ASAP1: variants seen among roughly 807,000 people sequenced by gnomAD.
ASAP1 encodes ArfGAP with SH3 domain, ankyrin repeat and PH domain 1.
ASAP1 carries 43 observed loss-of-function variants against 145.2 expected under a neutral mutation model. The observed-to-expected ratio is 0.30, with a 90% CI of 0.23 to 0.38. The LOEUF (loss-of-function observed/expected upper bound fraction) is 0.38, where lower values mean the gene tolerates loss of function less well. Ranked by LOEUF, ASAP1 falls within the 10% of genes least tolerant of loss-of-function variation. The pLI is 1.00. For synonymous variants in ASAP1, 546 were observed against 515.5 expected (o/e 1.06, Z -0.80); for missense variants, 1,018 against 1,355.3 (o/e 0.75, Z 3.91).
intron 15 of ASAP1, among the ~76,000 whole-genome samples, chr8:130,129,579 T>C (rs190478699): frequency 3.9e-5 from 6 of 152,330 alleles, no homozygotes; most frequent in Admixed American, 3.3e-4. Context: ...CAACAGACAA[T>C]ACAGAGGTTC....
intron 13 of ASAP1, among the ~76,000 whole-genome samples, chr8:130,147,939 G>A (rs928752857): frequency 2.2e-4 from 34 of 152,174 alleles, no homozygotes; most frequent in African/African-American, 8.0e-4. Flanking sequence ...TTTAATAATC[G>A]TTGTAAGTGT....
At chr8:130,256,612 G>A (rs541821760) in intron 3 of ASAP1, among the ~76,000 whole-genome samples, 158 of 151,354 alleles carry the variant, frequency 1.0e-3, no homozygotes, top group Middle Eastern at 6.9e-3. Context: ...AAAATTTCCA[G>A]GGCAAAAATG....
chr8:130,122,380 A>C (rs982700935), intron 18 of ASAP1, among the ~76,000 whole-genome samples: 1 of 152,218 alleles, frequency 6.6e-6, no homozygotes, highest in African/African-American at 2.4e-5. Flanking sequence ...ATCAAACTGC[A>C]TGTTACAAGA....
chr8:130,216,408 G>A (rs1816932022), intron 4 of ASAP1, among the ~76,000 whole-genome samples: 1 of 152,170 alleles, frequency 6.6e-6, no homozygotes, highest in African/African-American at 2.4e-5. Context: ...ACAGAATTGT[G>A]GTATTGATGA....
intron 23 of ASAP1, 132 bp from the exon 24 acceptor site, chr8:130,112,454 A>G: frequency 1.5e-6 from 1 of 661,804 alleles, no homozygotes; most frequent in Non-Finnish European, 2.6e-6. Flanking sequence ...GGTCAGCCAC[A>G]ATGAGCCTCA....
At chr8:130,286,839 G>A (rs938206751) in intron 3 of ASAP1, among the ~76,000 whole-genome samples, 4 of 152,196 alleles carry the variant, frequency 2.6e-5, no homozygotes, top group Non-Finnish European at 4.4e-5. Flanking sequence ...ATGAAATGAT[G>A]AGAAGCAAAA....
At chr8:130,259,558 G>C (rs915854689) in intron 3 of ASAP1, among the ~76,000 whole-genome samples, 1 of 152,120 alleles carries the variant, frequency 6.6e-6, no homozygotes, top group African/African-American at 2.4e-5. Context: ...TTGTGGGCTG[G>C]TTATGACTGT....
At chr8:130,115,792 T>C in intron 22 of ASAP1, 57 bp from the exon 23 acceptor site, 1 of 1,267,320 alleles carries the variant, frequency 7.9e-7, no homozygotes, top group Non-Finnish European at 1.2e-6. Context: ...CATCCCAATA[T>C]TATACAAACA....
chr8:130,332,190 G>GT (rs1277013271), intron 3 of ASAP1, among the ~76,000 whole-genome samples: 2 of 152,206 alleles, frequency 1.3e-5, no homozygotes, highest in African/African-American at 4.8e-5. Context: ...CACTTGTGAA[G>GT]TTTACAGCTT....
intron 3 of ASAP1, among the ~76,000 whole-genome samples, chr8:130,245,406 GA>G (rs111540991): frequency 0.18 from 27,537 of 152,068 alleles, 3,149 homozygotes; most frequent in East Asian, 0.44. Flanking sequence ...TTTGACCAAA[GA>G]ACAGGAAAGA....
intron 5 of ASAP1, among the ~76,000 whole-genome samples, chr8:130,192,369 G>A (rs1323216252): frequency 2.6e-5 from 4 of 152,048 alleles, no homozygotes; most frequent in African/African-American, 9.7e-5. Flanking sequence ...GGCTCTTGGG[G>A]AAAAGGAGGA....
At chr8:130,176,378 A>C (rs1267938283) in intron 9 of ASAP1, among the ~76,000 whole-genome samples, 2 of 152,194 alleles carry the variant, frequency 1.3e-5, no homozygotes, top group African/African-American at 4.8e-5. Context: ...GAAAAGAATA[A>C]AGGAAACTAC....
At position 130,060,616 on chromosome 8, in the gene ASAP1, G is replaced by T. The variant is rs372889196; in HGVS notation, c.3155C>A (p.Pro1052Gln). The T allele has an allele frequency of 6.8e-6, 11 of 1,613,882 alleles. No homozygotes were observed. In the African/African-American group the frequency reaches 1.2e-4, roughly 18 times the overall value. ...TCTGGGCAGTGGTACGGGCGTCTCT[G>T]GCAGAGTAGGCGTGAGGTCGTTGGA... ...EDSNDLTPTL[P>Q]ETPVPLPRKI... is the part of the protein sequence containing the mutation. Residue 1052 changes from proline (P) to glutamine (Q), a missense_variant, in exon 28 of 30, where the codon CCA becomes CAA. Physicochemically the swap from Pro to Gln is moderately conservative, Grantham distance 76 (BLOSUM62 -1). This residue lies in a region of ASAP1 where 139 missense variants were observed against 131.0 expected (regional missense o/e 1.06). Coordinates refer to ENST00000518721, the MANE Select transcript of ASAP1 (RefSeq NM_018482.4).
intron 24 of ASAP1, among the ~76,000 whole-genome samples, chr8:130,107,711 T>G (rs115479139): frequency 1.3e-5 from 2 of 151,880 alleles, no homozygotes; most frequent in African/African-American, 4.8e-5. Context: ...CCAAGCCTGG[T>G]TAATTCTGTG....
intron 3 of ASAP1, among the ~76,000 whole-genome samples, chr8:130,256,144 C>T (rs1466087998): frequency 1.3e-5 from 2 of 152,184 alleles, no homozygotes; most frequent in Non-Finnish European, 2.9e-5. Context: ...CACTAATGAA[C>T]ATTATGTTCC....
chr8:130,268,811 G>A (rs1820422311), intron 3 of ASAP1, among the ~76,000 whole-genome samples: 1 of 152,130 alleles, frequency 6.6e-6, no homozygotes, highest in African/African-American at 2.4e-5. Flanking sequence ...ATCATTTGCA[G>A]TCTCCACAAA....
intron 4 of ASAP1, among the ~76,000 whole-genome samples, chr8:130,225,420 G>A (rs1455145789): frequency 1.3e-5 from 2 of 152,100 alleles, no homozygotes; most frequent in African/African-American, 4.8e-5. Flanking sequence ...GAAAGGGTTC[G>A]TTAAAGTAAG....
chr8:130,145,108 T>G (rs1332056771), intron 13 of ASAP1, among the ~76,000 whole-genome samples: 1 of 152,206 alleles, frequency 6.6e-6, no homozygotes, highest in Non-Finnish European at 1.5e-5. Flanking sequence ...CGCAGGCATT[T>G]CTGCAAATAT....
At chr8:130,165,821 G>A (rs2136063195) in intron 11 of ASAP1, among the ~76,000 whole-genome samples, 1 of 152,258 alleles carries the variant, frequency 6.6e-6, no homozygotes, top group Non-Finnish European at 1.5e-5. Flanking sequence ...AACCTTCAGG[G>A]TTGCTTTAAA....
Sources: gnomAD v4.1 joint callset for allele counts (sites outside exome capture counted in the v4.1 genomes callset) on GRCh38, gnomAD v4.1.1 for gene constraint, gnomAD v4.1.1 regional missense constraint, MANE v1.5 for transcripts, NCBI Gene and HGNC (gene_info 2026-07-23, HGNC 2026-07-21) for gene names.